CCSER1: variants seen among roughly 807,000 people sequenced by gnomAD.
The protein encoded by CCSER1 is coiled-coil serine rich protein 1, also known as serine-rich coiled-coil domain-containing protein 1.
Under a neutral mutation model 82.0 loss-of-function variants are expected in CCSER1, and 41 were observed. The observed-to-expected ratio is 0.50, with a 90% CI of 0.39 to 0.65. The LOEUF is 0.65. Among genes scored for constraint, CCSER1 ranks in the 30% least tolerant of loss-of-function variants. The probability of loss-of-function intolerance (pLI) is 0.00; values close to 1 mark genes in which losing one functional copy is unlikely to be tolerated. For synonymous variants in CCSER1, 414 were observed against 383.9 expected (o/e 1.08, Z -0.92); for missense variants, 1,119 against 1,064.2 (o/e 1.05, Z -0.72).
chr4:90,648,230 C>T (rs1252201414), intron 6 of CCSER1, among the ~76,000 whole-genome samples: 1 of 81,036 alleles, frequency 1.2e-5, no homozygotes. Context: ...AAAGGAAAGA[C>T]AAAATGAGAG....
intron 10 of CCSER1, among the ~76,000 whole-genome samples, chr4:91,377,310 T>C (rs932165848): frequency 8.5e-5 from 13 of 152,160 alleles, no homozygotes; most frequent in Non-Finnish European, 1.8e-4. Context: ...TTCTAGATCC[T>C]TGAGGAATCG....
intron 9 of CCSER1, among the ~76,000 whole-genome samples, chr4:90,973,003 A>AT (rs1283990947): frequency 1.3e-5 from 2 of 151,786 alleles, no homozygotes; most frequent in Non-Finnish European, 2.9e-5. Context: ...CACTATATAT[A>AT]AAAGTCAACT....
intron 5 of CCSER1, among the ~76,000 whole-genome samples, chr4:90,574,568 C>T (rs1425269277): frequency 2.0e-5 from 3 of 151,642 alleles, no homozygotes; most frequent in Non-Finnish European, 2.9e-5. Context: ...GCGCCTGGCC[C>T]GAAACACATT....
chr4:90,397,848 T>C (rs1165475916), intron 3 of CCSER1, among the ~76,000 whole-genome samples: 1 of 152,218 alleles, frequency 6.6e-6, no homozygotes, highest in African/African-American at 2.4e-5. Context: ...ATGTCTAAGA[T>C]GTCCTCACTT....
intron 1 of CCSER1, among the ~76,000 whole-genome samples, chr4:90,169,287 T>A (rs137949228): frequency 0.02 from 3,040 of 152,200 alleles, 84 homozygotes; most frequent in African/African-American, 0.066. Flanking sequence ...TGTCTGTTAT[T>A]GGTGTATAGG....
intron 9 of CCSER1, among the ~76,000 whole-genome samples, chr4:90,968,068 G>T (rs776623629): frequency 3.3e-5 from 5 of 151,914 alleles, no homozygotes; most frequent in Non-Finnish European, 7.4e-5. Context: ...TGTCTAAGAG[G>T]CATGCCCCTT....
At chr4:90,587,309 T>C (rs1416234043) in intron 5 of CCSER1, among the ~76,000 whole-genome samples, 1 of 152,112 alleles carries the variant, frequency 6.6e-6, no homozygotes, top group African/African-American at 2.4e-5. Context: ...ATAGCAACCA[T>C]AGGAAATTAA....
At chr4:90,486,146 C>G (rs1305411507) in intron 5 of CCSER1, among the ~76,000 whole-genome samples, 1 of 152,188 alleles carries the variant, frequency 6.6e-6, no homozygotes, top group African/African-American at 2.4e-5. Context: ...ATTCCAAGAA[C>G]TGTGTTAAGT....
chr4:90,578,412 G>A (rs578176584), intron 5 of CCSER1, among the ~76,000 whole-genome samples: 13 of 152,082 alleles, frequency 8.5e-5, no homozygotes, highest in African/African-American at 2.7e-4. Flanking sequence ...CTGCCATCTC[G>A]AAAGCCAGCA....
At chr4:90,628,934 T>G (rs1723833315) in intron 6 of CCSER1, among the ~76,000 whole-genome samples, 1 of 152,166 alleles carries the variant, frequency 6.6e-6, no homozygotes, top group Non-Finnish European at 1.5e-5. Flanking sequence ...CATAGACATG[T>G]GAAGTGAGAG....
chr4:90,600,630 G>A (rs537273163), intron 5 of CCSER1, among the ~76,000 whole-genome samples: 21 of 151,728 alleles, frequency 1.4e-4, no homozygotes, highest in Admixed American at 8.5e-4. Context: ...TTCTCTGAAT[G>A]GTGTCTTGAA....
intron 6 of CCSER1, among the ~76,000 whole-genome samples, chr4:90,692,224 T>A (rs1736138525): frequency 6.6e-6 from 1 of 151,804 alleles, no homozygotes; most frequent in Non-Finnish European, 1.5e-5. Flanking sequence ...ATAGACAGTT[T>A]GTCCCGTTCA....
intron 5 of CCSER1, among the ~76,000 whole-genome samples, chr4:90,624,977 T>C (rs1429154572): frequency 6.6e-6 from 1 of 152,230 alleles, no homozygotes; most frequent in African/African-American, 2.4e-5. Context: ...TGAACCACTG[T>C]ATCCAGCTTC....
intron 10 of CCSER1, among the ~76,000 whole-genome samples, chr4:91,427,404 A>T (rs1754047602): frequency 6.6e-6 from 1 of 152,140 alleles, no homozygotes. Context: ...ATTGTATGTC[A>T]AGAATTACAA....
chr4:90,451,208 T>C (rs1264156913), intron 4 of CCSER1, among the ~76,000 whole-genome samples: 1 of 152,170 alleles, frequency 6.6e-6, no homozygotes, highest in Admixed American at 6.5e-5. Context: ...GGAAGTCCAA[T>C]GTGAGGAATT....
chr4:91,151,983 A>G (rs1032922460), intron 10 of CCSER1, among the ~76,000 whole-genome samples: 1 of 152,198 alleles, frequency 6.6e-6, no homozygotes, highest in East Asian at 1.9e-4. Context: ...GTAGATGTCT[A>G]TTAGGTCCAC....
intron 8 of CCSER1, among the ~76,000 whole-genome samples, chr4:90,834,339 A>G (rs1308133915): frequency 1.3e-5 from 2 of 152,210 alleles, no homozygotes; most frequent in African/African-American, 4.8e-5. Flanking sequence ...AGGGTAAATC[A>G]AATATTAGCC....
At chr4:90,350,308 A>C (rs2153511262) in intron 3 of CCSER1, among the ~76,000 whole-genome samples, 1 of 152,246 alleles carries the variant, frequency 6.6e-6, no homozygotes, top group South Asian at 2.1e-4. Flanking sequence ...GAATCATGGG[A>C]AAATTTTTGG....
At chr4:91,271,356 G>A (rs1244202744) in intron 10 of CCSER1, among the ~76,000 whole-genome samples, 1 of 151,984 alleles carries the variant, frequency 6.6e-6, no homozygotes, top group African/African-American at 2.4e-5. Flanking sequence ...AGATTTTGGT[G>A]CATTCATCAC....
Sources: allele counts gnomAD v4.1 joint callset (sites outside exome capture counted in the v4.1 genomes callset), GRCh38; gene constraint gnomAD v4.1.1; transcripts MANE v1.5; gene names NCBI Gene and HGNC (gene_info 2026-07-23, HGNC 2026-07-21).